PCDHGA1: variants seen among roughly 807,000 people sequenced by gnomAD.
The protein encoded by PCDHGA1 is protocadherin gamma subfamily A, 1, also known as protocadherin gamma-A1.
A neutral mutation model predicts 58.0 loss-of-function variants in PCDHGA1; 32 were observed. The ratio of observed to expected loss-of-function variants is 0.55; its 90% CI spans 0.42 to 0.74. PCDHGA1 has a LOEUF of 0.74. Among genes scored for constraint, PCDHGA1 ranks in the 30% least tolerant of loss-of-function variants. The pLI, the probability that PCDHGA1 is intolerant of heterozygous loss-of-function variation, is 0.00. For missense variants in PCDHGA1, 1,205 were observed against 1,182.3 expected (o/e 1.02, Z -0.28); for synonymous variants, 498 against 501.1 (o/e 0.99, Z 0.08).
intron 1 of PCDHGA1, chr5:141,426,713 AC>A: frequency 2.2e-6 from 1 of 445,196 alleles, no homozygotes; most frequent in Middle Eastern, 3.3e-4. Flanking sequence ...AAATCAATGA[AC>A]TAGCAATTCC....
intron 1 of PCDHGA1, among the ~76,000 whole-genome samples, chr5:141,445,784 G>A (rs2098477494): frequency 6.6e-6 from 1 of 152,168 alleles, no homozygotes; most frequent in Non-Finnish European, 1.5e-5. Flanking sequence ...GGGCTAGGGA[G>A]GCTAGAAACA....
chr5:141,478,396 G>T (rs150499152), intron 1 of PCDHGA1: 2 of 1,613,446 alleles, frequency 1.2e-6, no homozygotes, highest in African/African-American at 2.7e-5. Flanking sequence ...ACCATCAGGT[G>T]TATCTCACCA....
intron 1 of PCDHGA1, chr5:141,428,734 A>G (rs922346225): frequency 1.9e-5 from 3 of 158,252 alleles, no homozygotes; most frequent in Non-Finnish European, 2.8e-5. Context: ...TAAACATATT[A>G]TATCTACTAT....
intron 2 of PCDHGA1, among the ~76,000 whole-genome samples, chr5:141,501,703 G>A (rs183907124): frequency 6.6e-6 from 1 of 152,088 alleles, no homozygotes; most frequent in Non-Finnish European, 1.5e-5. Flanking sequence ...GTGATTCCGA[G>A]GATAAAAAAG....
chr5:141,344,614 T>C (rs916551872), intron 1 of PCDHGA1: 1 of 1,613,994 alleles, frequency 6.2e-7, no homozygotes, highest in African/African-American at 1.3e-5. Flanking sequence ...TATCCAGAGC[T>C]GGTGCTGGAG....
At chr5:141,417,872 T>G (rs2096175848) in intron 1 of PCDHGA1, 5 of 1,555,026 alleles carry the variant, frequency 3.2e-6, no homozygotes, top group African/African-American at 1.4e-5. Flanking sequence ...GGGAGGGAGC[T>G]GCGCGCAGAG....
chr5:141,389,604 G>A, intron 1 of PCDHGA1: 1 of 1,613,156 alleles, frequency 6.2e-7, no homozygotes, highest in Non-Finnish European at 8.5e-7. Flanking sequence ...TGCGCTCTTC[G>A]ATATGGTGCC....
At chr5:141,469,721 A>G (rs1238006043) in intron 1 of PCDHGA1, among the ~76,000 whole-genome samples, 5 of 152,270 alleles carry the variant, frequency 3.3e-5, no homozygotes, top group African/African-American at 1.2e-4. Context: ...TTAGGAATTT[A>G]TCATAAATAC....
chr5:141,372,622 A>G lies in PCDHGA1; in HGVS notation c.2421+39517A>G, dbSNP rs1231771489. The G allele has an allele frequency of 6.2e-7, 1 of 1,613,952 alleles. No homozygotes were observed. The highest frequency in any genetic ancestry group is 1.6e-4 in the Middle Eastern group (1 of 6,062). On this transcript the variant is annotated intron_variant, in intron 1 of 3. Transcript: ENST00000517417. ...ACTGTACCTGGAGTTCTCCCCACCT[A>G]CAGCGAAAGGACTTTGCCTTATTCC...
At chr5:141,373,521 T>A (rs1217518860) in intron 1 of PCDHGA1, among the ~76,000 whole-genome samples, 1 of 152,192 alleles carries the variant, frequency 6.6e-6, no homozygotes, top group African/African-American at 2.4e-5. Context: ...AGACTTTGTC[T>A]CCAAAAAAGT....
At chr5:141,364,768 G>A (rs1442604724) in intron 1 of PCDHGA1, 3 of 1,613,956 alleles carry the variant, frequency 1.9e-6, no homozygotes, top group Non-Finnish European at 8.5e-7. Flanking sequence ...ATGAAAATGC[G>A]GCTGCAGGGA....
chr5:141,369,254 T>A (rs1743165923), intron 1 of PCDHGA1, among the ~76,000 whole-genome samples: 1 of 152,160 alleles, frequency 6.6e-6, no homozygotes, highest in Admixed American at 6.5e-5. Flanking sequence ...TTAAATAATA[T>A]AATTATAAGG....
At chr5:141,382,104 A>G (rs1777948509) in intron 1 of PCDHGA1, among the ~76,000 whole-genome samples, 1 of 152,108 alleles carries the variant, frequency 6.6e-6, no homozygotes, top group Non-Finnish European at 1.5e-5. Context: ...GTGGGATTAC[A>G]GGCGTGAGCA....
intron 1 of PCDHGA1, chr5:141,382,835 CG>C: frequency 7.0e-7 from 1 of 1,431,186 alleles, no homozygotes. Context: ...GGGGTCCACC[CG>C]GATACACCCG....
chr5:141,396,042 A>G (rs2093337325), intron 1 of PCDHGA1: 2 of 152,260 alleles, frequency 1.3e-5, no homozygotes, highest in Non-Finnish European at 2.9e-5. Context: ...ACATATTTCA[A>G]TACAATTCCA....
chr5:141,415,654 A>G, intron 1 of PCDHGA1: 1 of 1,573,242 alleles, frequency 6.4e-7, no homozygotes. Flanking sequence ...AAAAAAAAAG[A>G]TTGGTTTTTA....
intron 1 of PCDHGA1, chr5:141,350,430 G>C (rs769353290): frequency 3.1e-6 from 5 of 1,610,124 alleles, no homozygotes; most frequent in Non-Finnish European, 4.2e-6. Flanking sequence ...CTCAGTGTCC[G>C]GGAGTTGCCA....
At chr5:141,333,391 C>A in intron 1 of PCDHGA1, 1 of 528,032 alleles carries the variant, frequency 1.9e-6, no homozygotes, top group East Asian at 3.1e-5. Flanking sequence ...TTAGAAACGG[C>A]GATCTAGCTT....
chr5:141,389,230 T>G, intron 1 of PCDHGA1: 1 of 1,613,936 alleles, frequency 6.2e-7, no homozygotes, highest in Non-Finnish European at 8.5e-7. Flanking sequence ...AACGCTCCGG[T>G]TTTCTCACAG....
Sources: gnomAD v4.1 joint callset for allele counts (sites outside exome capture counted in the v4.1 genomes callset) on GRCh38, gnomAD v4.1.1 for gene constraint, MANE v1.5 for transcripts, NCBI Gene and HGNC (gene_info 2026-07-23, HGNC 2026-07-21) for gene names.